WASF2: variants seen among roughly 807,000 people sequenced by gnomAD.
WASF2 encodes WASP family member 2, also known as actin-binding protein WASF2.
A neutral mutation model predicts 45.0 loss-of-function variants in WASF2; 14 were observed. The ratio of observed to expected loss-of-function variants is 0.31; its 90% CI spans 0.21 to 0.49. The LOEUF is 0.49. Among genes scored for constraint, WASF2 ranks in the 20% least tolerant of loss-of-function variants. The pLI is 0.99. For synonymous variants in WASF2, 200 were observed against 236.3 expected (o/e 0.85, Z 1.41); for missense variants, 439 against 636.1 (o/e 0.69, Z 3.33).
chr1:27,438,527 CCAAG>C (rs2017167369), intron 1 of WASF2, among the ~76,000 whole-genome samples: 2 of 152,252 alleles, frequency 1.3e-5, no homozygotes, highest in South Asian at 4.1e-4. Flanking sequence ...GATGGAAAGA[CCAAG>C]AAAGAAACCA....
rs991740878 is a variant in WASF2, at chr1:27,410,710, C to A, written c.825-504G>T. 6.6e-6 allele frequency among the ~76,000 whole-genome samples: 1 copy of A among 152,216 alleles called. No individual in the cohort carries two copies. The highest frequency in any genetic ancestry group is 2.4e-5 in the African/African-American group (1 of 41,460). Reference sequence around the variant, plus strand: ...CACCAGCATTGGAGAGGGCAGGAAACCCAAGCCAGGCTGACCACACCTGAG... The same window carrying A: ...CACCAGCATTGGAGAGGGCAGGAAAACCAAGCCAGGCTGACCACACCTGAG... On this transcript the variant is annotated intron_variant, in intron 7 of 8. Coordinates refer to ENST00000618852, the MANE Select transcript of WASF2 (RefSeq NM_006990.5). This position sits in a 1 kb window ranked among gnomAD's most constrained non-coding sequence, Gnocchi z 4.2.
At chr1:27,458,076 G>A (rs368871609) in intron 1 of WASF2, among the ~76,000 whole-genome samples, 25 of 151,928 alleles carry the variant, frequency 1.6e-4, no homozygotes, top group African/African-American at 4.1e-4. Flanking sequence ...TTGGGAGGCC[G>A]AGACAGGCGG....
chr1:27,473,471 A>AAAAG, intron 1 of WASF2, among the ~76,000 whole-genome samples: 1 of 151,346 alleles, frequency 6.6e-6, no homozygotes, highest in South Asian at 2.1e-4. Flanking sequence ...AAAAAAAAAA[A>AAAAG]AAAGAAAGAA....
rs558156367 is a variant in WASF2, at chr1:27,412,089, G to A, written c.824+483C>T. The stretch of plus-strand genomic sequence containing the variant: ...ATTGTAACATGGGGATAGTAACAGT[G>A]CCTACCTCAAAAGAGGACTCCTATG... On this transcript the variant is annotated intron_variant, in intron 7 of 8. Coordinates refer to ENST00000618852, the MANE Select transcript of WASF2 (RefSeq NM_006990.5). Among the ~76,000 whole-genome samples, 27 of 152,284 alleles carry A rather than the reference G, an allele frequency of 1.8e-4. 1 individual carries two copies. Among genetic ancestry groups the A allele is most frequent in the Admixed American group, 1.1e-3 (17 of 15,300 alleles).
rs1017435081 is a variant in WASF2, at chr1:27,404,735, G to A, written c.*3454C>T. 5.9e-5 allele frequency: 9 copies of A among 152,182 alleles called. No homozygotes were observed. The highest frequency in any genetic ancestry group is 2.2e-4 in the African/African-American group (9 of 41,448). The allele number at this position is 152,182 out of a possible 1,614,324, so 9.4% of individuals were successfully genotyped here. A position where few individuals can be genotyped will look rare whatever the true frequency, so the allele number is the denominator to read the frequency against. The stretch of plus-strand genomic sequence containing the variant: ...AAGTAAAAACTGGTTAGTTCCTCAA[G>A]TGAATTAACTGAATAAACTTAATAC... On this transcript the variant is annotated 3_prime_UTR_variant, in exon 9 of 9. Transcript: ENST00000618852.
chr1:27,447,670 T>C (rs2017328788), intron 1 of WASF2, among the ~76,000 whole-genome samples: 1 of 152,286 alleles, frequency 6.6e-6, no homozygotes, highest in South Asian at 2.1e-4. Context: ...TCACGAAAGT[T>C]TAGCTGAAGG....
chr1:27,438,385 A>G (rs986356614), intron 1 of WASF2, among the ~76,000 whole-genome samples: 1 of 152,224 alleles, frequency 6.6e-6, no homozygotes, highest in African/African-American at 2.4e-5. Context: ...GAAGGAGATA[A>G]TAAGAGCTGA....
rs371037151 is a variant in WASF2 at position 27,479,040 on chromosome 1, G to A, written c.-44+10946C>T. 1.2e-4 allele frequency among the ~76,000 whole-genome samples: 18 copies of A among 151,720 alleles called. No homozygotes were observed. In the South Asian group the frequency reaches 1.5e-3, roughly 12 times the overall value. ...GGTGGCTCACGCCTGTAATCCCAGA[G>A]CTTTGGGAGGCCGAGGTGGGTGAAT... On this transcript the variant is annotated intron_variant, in intron 1 of 8. Transcript: ENST00000618852.
Position 27,414,980 on chromosome 1 carries a change from C to G in WASF2, c.538-17G>C, listed in dbSNP as rs756448192. Reference sequence around the variant, plus strand: ...CTTTTCTTTCTATAATGAAAAGGAACAGGAAGGTCTTTGTAGAACATTTTC... The same window carrying G: ...CTTTTCTTTCTATAATGAAAAGGAAGAGGAAGGTCTTTGTAGAACATTTTC... On this transcript the variant is annotated splice_polypyrimidine_tract_variant and intron_variant, in intron 5 of 8. Coordinates refer to ENST00000618852, the MANE Select transcript of WASF2 (RefSeq NM_006990.5). The surrounding 1 kb of genome is among the most constrained non-coding windows in gnomAD (Gnocchi z 4.1). 2.9e-5 allele frequency: 47 copies of G among 1,613,178 alleles called. No individual in the cohort carries two copies. Among genetic ancestry groups the G allele is most frequent in the Non-Finnish European group, 3.9e-5 (46 of 1,179,636 alleles).
At chr1:27,468,292 T>G (rs928957421) in intron 1 of WASF2, among the ~76,000 whole-genome samples, 13 of 151,810 alleles carry the variant, frequency 8.6e-5, no homozygotes, top group African/African-American at 2.9e-4. Flanking sequence ...ACGGGAGAAT[T>G]ACACAACTTT....
At chr1:27,464,966 A>T (rs756764354) in intron 1 of WASF2, among the ~76,000 whole-genome samples, 2 of 152,152 alleles carry the variant, frequency 1.3e-5, no homozygotes, top group Non-Finnish European at 2.9e-5. Context: ...TGACTTTGTG[A>T]TCCACCCGCC....
chr1:27,466,728 G>A (rs2017615703), intron 1 of WASF2, among the ~76,000 whole-genome samples: 1 of 151,944 alleles, frequency 6.6e-6, no homozygotes, highest in South Asian at 2.1e-4. Context: ...TTAGCTGGGT[G>A]TGGTGGTGCA....
chr1:27,441,939 AAAG>A, intron 1 of WASF2, among the ~76,000 whole-genome samples: 1 of 149,848 alleles, frequency 6.7e-6, no homozygotes, highest in African/African-American at 2.4e-5. Context: ...AAAAAAAAAA[AAAG>A]AAAGAAAGAA....
intron 1 of WASF2, among the ~76,000 whole-genome samples, chr1:27,456,108 G>C (rs1037388409): frequency 2.0e-5 from 3 of 152,020 alleles, no homozygotes; most frequent in African/African-American, 7.2e-5. Context: ...GGATCACGAG[G>C]TCAGAAGATC....
chr1:27,421,601 A>G (rs1383606891), intron 2 of WASF2, among the ~76,000 whole-genome samples: 1 of 152,212 alleles, frequency 6.6e-6, no homozygotes, highest in African/African-American at 2.4e-5. Flanking sequence ...AGATCACCTA[A>G]GGTCAGGAGT....
At position 27,424,825 on chromosome 1, in the gene WASF2, G is replaced by A. The variant is rs928077485; in HGVS notation, c.130+3936C>T. Among the ~76,000 whole-genome samples the A allele has an allele frequency of 7.2e-5, 11 of 152,154 alleles. No homozygotes were observed. In the East Asian group the frequency reaches 2.1e-3, roughly 29 times the overall value. On this transcript the variant is annotated intron_variant, in intron 2 of 8. Transcript: ENST00000618852. ...TGTGCCCAGCCAATAATTTTTAATT[G>A]AGACATAGGTGATTTGTGATACAAT...
chr1:27,454,160 T>C lies in WASF2; in HGVS notation c.-43-25227A>G, dbSNP rs1413652341. Reference sequence around the variant, plus strand: ...ATGTGTGTGTGTGTGTGTGTATATATATATATATATATATATATATATATA... The same window carrying C: ...ATGTGTGTGTGTGTGTGTGTATATACATATATATATATATATATATATATA... On this transcript the variant is annotated intron_variant, in intron 1 of 8. Coordinates refer to ENST00000618852, the MANE Select transcript of WASF2 (RefSeq NM_006990.5). Among the ~76,000 whole-genome samples the C allele has an allele frequency of 4.5e-5, 4 of 88,798 alleles. No individual in the cohort carries two copies. The South Asian group carries it at 1.3e-3, about 29-fold the overall frequency. The allele number at this position is 88,798 out of a possible 152,430, so 58.3% of individuals were successfully genotyped here. A position where few individuals can be genotyped will look rare whatever the true frequency, so the allele number is the denominator to read the frequency against.
intron 1 of WASF2, among the ~76,000 whole-genome samples, chr1:27,489,239 A>C (rs2017990272): frequency 7.3e-6 from 1 of 137,056 alleles, no homozygotes; most frequent in Non-Finnish European, 1.5e-5. Context: ...TCTGCAGACT[A>C]TCCTGTACGC....
At chr1:27,415,960 A>C in intron 5 of WASF2, 25 bp downstream of exon 5, 2 of 1,587,066 alleles carry the variant, frequency 1.3e-6, no homozygotes, top group Non-Finnish European at 1.7e-6. Context: ...ACTGATGTGG[A>C]GAACAGAGGC....
Sources: gnomAD v4.1 joint callset for allele counts (sites outside exome capture counted in the v4.1 genomes callset) on GRCh38, gnomAD v4.1.1 for gene constraint, Gnocchi (gnomAD v3.1) non-coding constraint, MANE v1.5 for transcripts, NCBI Gene and HGNC (gene_info 2026-07-23, HGNC 2026-07-21) for gene names.